The following USP32 variants were observed in gnomAD, a reference collection of about 807,000 sequenced individuals.
USP32 encodes ubiquitin carboxyl-terminal hydrolase 32.
In USP32, 59 loss-of-function variants were observed where a neutral mutation model predicts 204.8. The observed-to-expected ratio is 0.29, with a 90% CI of 0.23 to 0.36. The LOEUF (loss-of-function observed/expected upper bound fraction) is 0.36, where lower values mean the gene tolerates loss of function less well. Among genes scored for constraint, USP32 ranks in the 10% least tolerant of loss-of-function variants. The probability of loss-of-function intolerance (pLI) is 1.00; values close to 1 mark genes in which losing one functional copy is unlikely to be tolerated. For synonymous variants in USP32, 517 were observed against 678.4 expected (o/e 0.76, Z 3.70); for missense variants, 1,160 against 1,946.4 (o/e 0.60, Z 7.60).
chr17:60,394,617 A>G (rs2089887256), upstream of USP32, among the ~76,000 whole-genome samples: 1 of 152,200 alleles, frequency 6.6e-6, no homozygotes, highest in South Asian at 2.1e-4. Flanking sequence ...TTGTGGTGCA[A>G]ATATCATAGA....
intron 5 of USP32, among the ~76,000 whole-genome samples, chr17:60,281,958 T>C (rs993254121): frequency 6.6e-6 from 1 of 152,234 alleles, no homozygotes; most frequent in Non-Finnish European, 1.5e-5. Context: ...CAATATGCCA[T>C]AGTAGACTTA....
chr17:60,350,006 T>G (rs1408369228), intron 1 of USP32, among the ~76,000 whole-genome samples: 1 of 151,022 alleles, frequency 6.6e-6, no homozygotes, highest in Non-Finnish European at 1.5e-5. Flanking sequence ...TTCGTTGTTG[T>G]TGGTTTTTGT....
At chr17:60,209,086 C>G (rs1228236976) in intron 22 of USP32, among the ~76,000 whole-genome samples, 1 of 152,184 alleles carries the variant, frequency 6.6e-6, no homozygotes, top group Non-Finnish European at 1.5e-5. Flanking sequence ...GTATCCATTA[C>G]TTTAGCAATT....
intron 1 of USP32, among the ~76,000 whole-genome samples, chr17:60,409,406 G>T (rs1202890160): frequency 6.6e-6 from 1 of 152,130 alleles, no homozygotes. Flanking sequence ...CTCTATGCAC[G>T]TCGGGCAGTG....
chr17:60,315,228 T>C (rs1380928767), intron 2 of USP32, among the ~76,000 whole-genome samples: 1 of 151,920 alleles, frequency 6.6e-6, no homozygotes, highest in Non-Finnish European at 1.5e-5. Context: ...TGAAACCCCA[T>C]CTCTACTTAA....
At chr17:60,281,052 T>C (rs1330695757) in intron 5 of USP32, among the ~76,000 whole-genome samples, 1 of 152,204 alleles carries the variant, frequency 6.6e-6, no homozygotes, top group Admixed American at 6.5e-5. Flanking sequence ...AAAATAAAAG[T>C]AAACAAACTG....
At chr17:60,360,672 C>T (rs971374166) in intron 1 of USP32, among the ~76,000 whole-genome samples, 3 of 151,390 alleles carry the variant, frequency 2.0e-5, no homozygotes, top group Admixed American at 1.3e-4. Context: ...AAGACTCCAT[C>T]GCAAAAAAAC....
At chr17:60,236,366 C>A in intron 11 of USP32, 126 bp from the exon 12 acceptor site, 1 of 642,336 alleles carries the variant, frequency 1.6e-6, no homozygotes, top group East Asian at 3.0e-5. Flanking sequence ...GGAGAGACTG[C>A]CAAAACCCAA....
At chr17:60,372,790 T>G (rs1277444798) in intron 1 of USP32, among the ~76,000 whole-genome samples, 1 of 147,380 alleles carries the variant, frequency 6.8e-6, no homozygotes, top group Non-Finnish European at 1.5e-5. Flanking sequence ...AGGTCCAGGC[T>G]GCAGTGAGCT....
At chr17:60,391,779 G>T (rs1598312683) in intron 1 of USP32, 103 bp downstream of exon 1, 1 of 1,308,938 alleles carries the variant, frequency 7.6e-7, no homozygotes, top group South Asian at 1.4e-5. Context: ...TCCGCCTCAG[G>T]CGCCCCACGC....
intron 5 of USP32, among the ~76,000 whole-genome samples, chr17:60,285,205 A>C (rs1160153216): frequency 6.6e-6 from 1 of 152,250 alleles, no homozygotes; most frequent in Non-Finnish European, 1.5e-5. Context: ...CATATGAGTA[A>C]CAATATAAAT....
chr17:60,276,360 A>C (rs909010479), intron 5 of USP32, among the ~76,000 whole-genome samples: 2 of 152,174 alleles, frequency 1.3e-5, no homozygotes, highest in South Asian at 4.1e-4. Flanking sequence ...CAATAGGGAG[A>C]ACAACAAAGG....
intron 10 of USP32, among the ~76,000 whole-genome samples, chr17:60,254,458 T>C (rs1391033454): frequency 1.3e-5 from 2 of 152,198 alleles, no homozygotes; most frequent in African/African-American, 2.4e-5. Context: ...TGCAGCACTT[T>C]GGGAGGCTGA....
chr17:60,272,710 T>A (rs2086751307), intron 5 of USP32, among the ~76,000 whole-genome samples: 1 of 152,134 alleles, frequency 6.6e-6, no homozygotes, highest in East Asian at 1.9e-4. Flanking sequence ...ACCCTGGATT[T>A]TTTCCCCACA....
chr17:60,383,075 G>T (rs547222932), intron 1 of USP32, among the ~76,000 whole-genome samples: 1 of 151,892 alleles, frequency 6.6e-6, no homozygotes, highest in East Asian at 1.9e-4. Flanking sequence ...CTGAAACCCC[G>T]TCTATATTAA....
chr17:60,421,649 G>C (rs2090116259), intron 1 of USP32: 5 of 949,448 alleles, frequency 5.3e-6, no homozygotes, highest in Non-Finnish European at 6.3e-6. Context: ...AGGGACGCGA[G>C]GGGGCGCTGC....
intron 3 of USP32, 32 bp downstream of exon 3, chr17:60,301,567 C>T (rs370630001): frequency 2.1e-5 from 29 of 1,360,050 alleles, no homozygotes; most frequent in Admixed American, 1.2e-4. Context: ...TGTACATAGA[C>T]GAATTATTTT....
At chr17:60,260,788 A>AAC (rs1246627164) in intron 9 of USP32, among the ~76,000 whole-genome samples, 1 of 152,054 alleles carries the variant, frequency 6.6e-6, no homozygotes, top group Non-Finnish European at 1.5e-5. Context: ...TTAAATATAG[A>AAC]ACACACACAC....
chr17:60,182,184 C>T (rs1461833031), intron 31 of USP32, among the ~76,000 whole-genome samples: 1 of 152,184 alleles, frequency 6.6e-6, no homozygotes, highest in Non-Finnish European at 1.5e-5. Flanking sequence ...CTATGTCTCA[C>T]AAAAATCCTG....
Sources: allele counts gnomAD v4.1 joint callset (sites outside exome capture counted in the v4.1 genomes callset), GRCh38; gene constraint gnomAD v4.1.1; transcripts MANE v1.5; gene names NCBI Gene and HGNC (gene_info 2026-07-23, HGNC 2026-07-21).